LRRTM2: variants seen among roughly 807,000 people sequenced by gnomAD.
The protein encoded by LRRTM2 is leucine rich repeat transmembrane neuronal 2.
In LRRTM2, 14 loss-of-function variants were observed where a neutral mutation model predicts 40.7. The ratio of observed to expected loss-of-function variants is 0.34; its 90% CI spans 0.23 to 0.54. The LOEUF is 0.54. Among genes scored for constraint, LRRTM2 ranks in the 20% least tolerant of loss-of-function variants. The pLI, the probability that LRRTM2 is intolerant of heterozygous loss-of-function variation, is 0.92. For missense variants in LRRTM2, 468 were observed against 624.4 expected (o/e 0.75, Z 2.67); for synonymous variants, 223 against 237.6 (o/e 0.94, Z 0.57).
In LRRTM2 at chr5:138,871,853, T is replaced by C. The variant is rs1358911946; in HGVS notation, c.*1157A>G. 1 of 152,198 alleles carries C rather than the reference T, an allele frequency of 6.6e-6. No individual in the cohort carries two copies. Among genetic ancestry groups the C allele is most frequent in the East Asian group, 1.9e-4 (1 of 5,202 alleles). 9.4% of individuals were successfully genotyped at this position (152,198 alleles called of 1,614,324 possible). The stretch of plus-strand genomic sequence containing the variant: ...GTATTATATAATAGTTGGAAAGTGT[T>C]TTTTTTCATGGTTCCTTTGTAATAC... On this transcript the variant is annotated 3_prime_UTR_variant, in exon 2 of 2. Transcript: ENST00000274711.
chr5:138,872,936 ATTAGATATGTATT>A lies in LRRTM2; in HGVS notation c.*61_*73del, dbSNP rs1406414978. 1 of 1,074,502 alleles carries A rather than the reference ATTAGATATGTATT, an allele frequency of 9.3e-7. No individual in the cohort carries two copies. Among genetic ancestry groups the A allele is most frequent in the African/African-American group, 1.6e-5 (1 of 62,972 alleles). The allele number at this position is 1,074,502 out of a possible 1,614,324, so 66.6% of individuals were successfully genotyped here. A position where few individuals can be genotyped will look rare whatever the true frequency, so the allele number is the denominator to read the frequency against. ...AGGCTTAATGTCACCATTGGTAAAA[ATTAGATATGTATT>A]TAGCCTCTACTATGTAAAATAGGTT... On this transcript the variant is annotated 3_prime_UTR_variant, in exon 2 of 2. Coordinates refer to ENST00000274711, the MANE Select transcript of LRRTM2 (RefSeq NM_015564.3).
Position 138,874,946 on chromosome 5 carries a change from G to T in LRRTM2, c.-35C>A. The T allele has an allele frequency of 6.2e-7, 1 of 1,612,804 alleles. No homozygotes were observed. ...CACATTGGAGGCTGCATTCAGTCGC[G>T]GTTGTTAGACTCAACGCAGTGAGTC... On this transcript the variant is annotated 5_prime_UTR_variant, in exon 1 of 2. Transcript: ENST00000274711. The surrounding 1 kb of genome is among the most constrained non-coding windows in gnomAD (Gnocchi z 4.1).
In LRRTM2 at chr5:138,872,757, T is replaced by G; in HGVS notation, c.*253A>C. ...ACACGATTGTATATAATTACATACA[T>G]TTCTTATTTTGAAGTAAGCATTTTA... On this transcript the variant is annotated 3_prime_UTR_variant, in exon 2 of 2. Coordinates refer to ENST00000274711, the MANE Select transcript of LRRTM2 (RefSeq NM_015564.3). 1 of 371,738 alleles carries G rather than the reference T, an allele frequency of 2.7e-6. No homozygotes were observed. The highest frequency in any genetic ancestry group is 7.5e-4 in the Middle Eastern group (1 of 1,332). 23.0% of individuals were successfully genotyped at this position (371,738 alleles called of 1,614,324 possible).
Position 138,873,645 on chromosome 5 carries a change from C to T in LRRTM2, c.916G>A (p.Val306Ile), listed in dbSNP as rs1414154189. The T allele has an allele frequency of 4.3e-6, 7 of 1,613,854 alleles. No individual in the cohort carries two copies. Among genetic ancestry groups the T allele is most frequent in the Non-Finnish European group, 5.1e-6 (6 of 1,179,904 alleles). ...TCCCACAGATTGCCAGAGAGACCAA[C>T]GGTTGTGAGGGATCTCAGGGAGTTT... ...ILNSLRSLTT[V>I]GLSGNLWECS... Residue 306 changes from valine (V) to isoleucine (I), a missense_variant, in exon 2 of 2, where the codon GTT becomes ATT. Transcript: ENST00000274711. This position sits in a 1 kb window ranked among gnomAD's most constrained non-coding sequence, Gnocchi z 6.1.
chr5:138,873,980 C>T lies in LRRTM2; in HGVS notation c.581G>A (p.Arg194Gln), dbSNP rs926901603. The T allele has an allele frequency of 4.3e-6, 7 of 1,613,872 alleles. No homozygotes were observed. The highest frequency in any genetic ancestry group is 4.0e-5 in the African/African-American group (3 of 74,920). ...TGCAAATCCATTGCGAGCCAAACTT[C>T]GCAAACGATTTGTGCTCAAATCCAG... ...EFLDLSTNRL[R>Q]SLARNGFAGL... Residue 194 changes from arginine (R) to glutamine (Q), a missense_variant, in exon 2 of 2, where the codon CGA becomes CAA. Coordinates refer to ENST00000274711, the MANE Select transcript of LRRTM2 (RefSeq NM_015564.3). The surrounding 1 kb of genome is among the most constrained non-coding windows in gnomAD (Gnocchi z 6.1).
At position 138,873,402 on chromosome 5, in the gene LRRTM2, A is replaced by T. The variant is rs1298420084; in HGVS notation, c.1159T>A (p.Ser387Thr). Residue 387 changes from serine to threonine, a missense_variant, in exon 2 of 2, where the codon TCA becomes ACA. Transcript: ENST00000274711. The surrounding 1 kb of genome is among the most constrained non-coding windows in gnomAD (Gnocchi z 6.1). ...PTTEYTKRIS[S>T]SSYHVGDKEI... The stretch of plus-strand genomic sequence containing the variant: ...TTGTCTCCCACATGGTAACTTGATG[A>T]GCTTATTCTTTTTGTATATTCAGTG... The T allele has an allele frequency of 3.1e-6, 5 of 1,613,794 alleles. No homozygotes were observed. Among genetic ancestry groups the T allele is most frequent in the Non-Finnish European group, 4.2e-6 (5 of 1,179,886 alleles).
In LRRTM2 at chr5:138,871,518, A is replaced by C. The variant is rs966858300; in HGVS notation, c.*1492T>G. ...ATCCTTATCATTTGTTAACTATGGC[A>C]TGTTTATATTTACATTGGAGGATCT... On this transcript the variant is annotated 3_prime_UTR_variant, in exon 2 of 2. Transcript: ENST00000274711. The C allele has an allele frequency of 6.6e-6, 1 of 152,186 alleles. No individual in the cohort carries two copies. The highest frequency in any genetic ancestry group is 1.5e-5 in the Non-Finnish European group (1 of 68,032). 9.4% of individuals were successfully genotyped at this position (152,186 alleles called of 1,614,324 possible).
chr5:138,873,165 G>C lies in LRRTM2; in HGVS notation c.1396C>G (p.Gln466Glu). 1 of 1,613,984 alleles carries C rather than the reference G, an allele frequency of 6.2e-7. No homozygotes were observed. The highest frequency in any genetic ancestry group is 8.5e-7 in the Non-Finnish European group (1 of 1,179,892). Residue 466 changes from glutamine (Q) to glutamate (E), a missense_variant, in exon 2 of 2, where the codon CAG becomes GAG. Transcript: ENST00000274711. The surrounding 1 kb of genome is among the most constrained non-coding windows in gnomAD (Gnocchi z 6.1). Reference protein sequence around the residue: ...RQCSMVQNHRQLRSQTRLHMS... With the variant: ...RQCSMVQNHRELRSQTRLHMS... ...TGGAGTCGTGTTTGGGATCGGAGCT[G>C]CCTGTGGTTCTGAACCATTGAGCAC...
In LRRTM2 at chr5:138,869,680, A is replaced by C. The variant is rs1288721424; in HGVS notation, c.*3330T>G. ...GCTACATAGGGCTCATTTTTATTGG[A>C]AAGATGGAGTCTAGCTCTTGGTGAC... On this transcript the variant is annotated 3_prime_UTR_variant, in exon 2 of 2. Transcript: ENST00000274711. The C allele has an allele frequency of 6.6e-6, 1 of 152,584 alleles. No individual in the cohort carries two copies. The highest frequency in any genetic ancestry group is 2.4e-5 in the African/African-American group (1 of 41,438). The allele number at this position is 152,584 out of a possible 1,614,324, so 9.5% of individuals were successfully genotyped here.
chr5:138,874,628 AAAC>A lies in LRRTM2; in HGVS notation c.5-75_5-73del. ...GCAGAACATATGGGCTATTTAAAAA[AAAC>A]AACCACCACCAACATTATAGCAAAA... On this transcript the variant is annotated intron_variant, in intron 1 of 1. Transcript: ENST00000274711. This position sits in a 1 kb window ranked among gnomAD's most constrained non-coding sequence, Gnocchi z 4.1. The A allele has an allele frequency of 2.1e-6, 2 of 959,428 alleles. No homozygotes were observed. Among genetic ancestry groups the A allele is most frequent in the South Asian group, 3.6e-5 (2 of 56,222 alleles). The allele number at this position is 959,428 out of a possible 1,614,324, so 59.4% of individuals were successfully genotyped here. A position where few individuals can be genotyped will look rare whatever the true frequency, so the allele number is the denominator to read the frequency against.
chr5:138,873,226 C>G lies in LRRTM2; in HGVS notation c.1335G>C (p.Arg445Ser). 1 of 1,613,800 alleles carries G rather than the reference C, an allele frequency of 6.2e-7. No homozygotes were observed. Among genetic ancestry groups the G allele is most frequent in the South Asian group, 1.1e-5 (1 of 91,056 alleles). Residue 445 changes from arginine to serine, a missense_variant, in exon 2 of 2, where the codon AGG (arginine) becomes AGC (serine). Arg to Ser is a moderately radical substitution (Grantham distance 110). Transcript: ENST00000274711. This position sits in a 1 kb window ranked among gnomAD's most constrained non-coding sequence, Gnocchi z 6.1. ...FFIIFIVFISRKCCPPTLRRI... is the reference protein window; with the variant it reads ...FFIIFIVFISSKCCPPTLRRI... ...TTCTTAAAGTGGGAGGGCAGCACTT[C>G]CTGGAGATGAACACTATAAAAATAA...
In LRRTM2 at chr5:138,873,128, A is replaced by G. The variant is rs201500943; in HGVS notation, c.1433T>C (p.Met478Thr). Residue 478 changes from methionine (M) to threonine (T), a missense_variant, in exon 2 of 2, where the codon ATG becomes ACG. By Grantham distance (81) the Met-to-Thr change is moderately conservative. Coordinates refer to ENST00000274711, the MANE Select transcript of LRRTM2 (RefSeq NM_015564.3). The surrounding 1 kb of genome is among the most constrained non-coding windows in gnomAD (Gnocchi z 6.1). ...TTCATTATACGGTCCTTGGTCTGAC[A>G]TGTTTGACATATGGAGTCGTGTTTG... ...RSQTRLHMSN[M>T]SDQGPYNEYE... 6.2e-7 allele frequency: 1 copy of G among 1,613,974 alleles called. No homozygotes were observed. Among genetic ancestry groups the G allele is most frequent in the Non-Finnish European group, 8.5e-7 (1 of 1,179,876 alleles).
rs1301229353 is a variant in LRRTM2 at position 138,871,719 on chromosome 5, G to A, written c.*1291C>T. On this transcript the variant is annotated 3_prime_UTR_variant, in exon 2 of 2. Transcript: ENST00000274711. ...AAGTTACCACTGTGTGGCTGCATAG[G>A]CATGTCGAGTTGTTCTGCCATGAGA... 2 of 152,194 alleles carry A rather than the reference G, an allele frequency of 1.3e-5. No individual in the cohort carries two copies. The highest frequency in any genetic ancestry group is 3.9e-4 in the East Asian group (2 of 5,192). 9.4% of individuals were successfully genotyped at this position (152,194 alleles called of 1,614,324 possible).
chr5:138,873,936 C>T lies in LRRTM2; in HGVS notation c.625G>A (p.Glu209Lys). 1 of 1,613,982 alleles carries T rather than the reference C, an allele frequency of 6.2e-7. No individual in the cohort carries two copies. The highest frequency in any genetic ancestry group is 8.5e-7 in the Non-Finnish European group (1 of 1,179,898). The part of the protein sequence containing the change: ...NGFAGLIKLR[E>K]LHLEHNQLTK... The stretch of plus-strand genomic sequence containing the variant: ...AGCTGGTTGTGCTCTAGGTGAAGCT[C>T]TCTCAGTTTAATTAATCCTGCAAAT... The change falls in exon 2 of 2, where the codon GAG (glutamate) becomes AAG (lysine). Residue 209 changes from glutamate (E) to lysine (K), a missense_variant. Transcript: ENST00000274711. This position sits in a 1 kb window ranked among gnomAD's most constrained non-coding sequence, Gnocchi z 6.1.
At position 138,874,156 on chromosome 5, in the gene LRRTM2, C is replaced by T. The variant is rs762196964; in HGVS notation, c.405G>A (p.Leu135=). Residue 135 remains leucine (L), a synonymous_variant, in exon 2 of 2, where the codon CTG becomes CTA. Transcript: ENST00000274711. The surrounding 1 kb of genome is among the most constrained non-coding windows in gnomAD (Gnocchi z 4.1). ...GATTAAAAGACAGGTCCAAATTTTGCAGGTTAATCAGTTGGGTAAAAGTTG... is the reference window on the plus strand; with the variant it reads ...GATTAAAAGACAGGTCCAAATTTTGTAGGTTAATCAGTTGGGTAAAAGTTG... ...PNTTFTQLIN[L]QNLDLSFNQL... is the part of the protein sequence containing the mutation. The T allele has an allele frequency of 4.3e-5, 70 of 1,613,468 alleles. No homozygotes were observed. The highest frequency in any genetic ancestry group is 4.5e-5 in the Non-Finnish European group (53 of 1,179,668).
Position 138,874,250 on chromosome 5 carries a change from G to A in LRRTM2, c.311C>T (p.Ala104Val), listed in dbSNP as rs1188592372. The change falls in exon 2 of 2, where the codon GCT becomes GTT. Residue 104 changes from alanine (A) to valine (V), a missense_variant. Coordinates refer to ENST00000274711, the MANE Select transcript of LRRTM2 (RefSeq NM_015564.3). The surrounding 1 kb of genome is among the most constrained non-coding windows in gnomAD (Gnocchi z 4.1). Reference sequence around the variant, plus strand: ...CTTAAGTTTATATAGTCCTTGAAAAGCATCTTCTTTTACTGTTGAAATTTG... The same window carrying A: ...CTTAAGTTTATATAGTCCTTGAAAAACATCTTCTTTTACTGTTGAAATTTG... ...HNQISTVKEDAFQGLYKLKEL... is the reference protein window; with the variant it reads ...HNQISTVKEDVFQGLYKLKEL... The A allele has an allele frequency of 8.7e-6, 14 of 1,613,902 alleles. No homozygotes were observed. Among genetic ancestry groups the A allele is most frequent in the Non-Finnish European group, 1.2e-5 (14 of 1,179,904 alleles).
rs998978646 is a variant in LRRTM2, at chr5:138,869,437, A to G, written c.*3573T>C. 1 of 151,942 alleles carries G rather than the reference A, an allele frequency of 6.6e-6. No homozygotes were observed. Among genetic ancestry groups the G allele is most frequent in the African/African-American group, 2.4e-5 (1 of 41,362 alleles). The allele number at this position is 151,942 out of a possible 1,614,324, so 9.4% of individuals were successfully genotyped here. ...ATAAGATATGAAAAGTATGCCCCCA[A>G]ACAGACTTTTCAGATAGGTCTGTCG... On this transcript the variant is annotated 3_prime_UTR_variant, in exon 2 of 2. Coordinates refer to ENST00000274711, the MANE Select transcript of LRRTM2 (RefSeq NM_015564.3).
At position 138,869,143 on chromosome 5, in the gene LRRTM2, A is replaced by G. The variant is rs919940437; in HGVS notation, c.*3867T>C. On this transcript the variant is annotated 3_prime_UTR_variant, in exon 2 of 2. Coordinates refer to ENST00000274711, the MANE Select transcript of LRRTM2 (RefSeq NM_015564.3). ...GTTTCCAGTCTCAGTGTTGATAGGA[A>G]GGTTCACCAAACATTCCATATATCA... is the stretch of plus-strand genomic sequence containing the variant. 1.0e-4 allele frequency: 15 copies of G among 150,480 alleles called. No homozygotes were observed. The highest frequency in any genetic ancestry group is 3.7e-4 in the African/African-American group (15 of 40,934). 9.3% of individuals were successfully genotyped at this position (150,480 alleles called of 1,614,324 possible).
rs1303936497 is a variant in LRRTM2 at position 138,869,347 on chromosome 5, C to T, written c.*3663G>A. ...GTTAGATAGAGAAATATTTAATTAT[C>T]TATAGATGGCCTTACTGTCTCTCTC... On this transcript the variant is annotated 3_prime_UTR_variant, in exon 2 of 2. Transcript: ENST00000274711. 1 of 149,892 alleles carries T rather than the reference C, an allele frequency of 6.7e-6. No individual in the cohort carries two copies. The highest frequency in any genetic ancestry group is 1.9e-4 in the East Asian group (1 of 5,136). The allele number at this position is 149,892 out of a possible 1,614,324, so 9.3% of individuals were successfully genotyped here.
Sources: allele counts gnomAD v4.1 joint callset, GRCh38; gene constraint gnomAD v4.1.1; non-coding constraint Gnocchi (gnomAD v3.1); transcripts MANE v1.5; gene names NCBI Gene and HGNC (gene_info 2026-07-23, HGNC 2026-07-21).